The following MCF2L2 variants were observed in gnomAD, a reference collection of about 807,000 sequenced individuals.
MCF2L2 encodes probable guanine nucleotide exchange factor MCF2L2.
A neutral mutation model predicts 150.2 loss-of-function variants in MCF2L2; 102 were observed. That is an observed-to-expected ratio of 0.68 (90% CI 0.58 to 0.80). MCF2L2 has a LOEUF of 0.80. MCF2L2 is among the 30% of genes least tolerant of loss of function. MCF2L2 has a pLI of 0.00. For synonymous variants in MCF2L2, 465 were observed against 491.3 expected (o/e 0.95, Z 0.71); for missense variants, 1,256 against 1,372.8 (o/e 0.91, Z 1.34).
chr3:183,350,573 A>G (rs1365238450), intron 3 of MCF2L2, among the ~76,000 whole-genome samples: 1 of 152,214 alleles, frequency 6.6e-6, no homozygotes, highest in Non-Finnish European at 1.5e-5. Context: ...ATGCTTCGAA[A>G]AATAACTTGC....
intron 3 of MCF2L2, among the ~76,000 whole-genome samples, chr3:183,356,635 C>G (rs1711804030): frequency 6.6e-6 from 1 of 152,148 alleles, no homozygotes; most frequent in African/African-American, 2.4e-5. Flanking sequence ...TCCTCCCATT[C>G]AAGTGCAAGT....
rs374136781 is a variant in MCF2L2, at chr3:183,206,117, G to C, written c.2805+5C>G. ...GGAGACCCATGGGGAAGGCATGAGC[G>C]TTACCTGCAGGATGTATTTCTCAAG... On this transcript the variant is annotated splice_donor_5th_base_variant and intron_variant, in intron 24 of 29. Coordinates refer to ENST00000328913, the MANE Select transcript of MCF2L2 (RefSeq NM_015078.4). The C allele has an allele frequency of 2.8e-5, 45 of 1,613,156 alleles. No individual in the cohort carries two copies. The highest frequency in any genetic ancestry group is 3.7e-5 in the Non-Finnish European group (44 of 1,179,254).
rs1723085050 is a variant in MCF2L2 at position 183,219,929 on chromosome 3, A to G, written c.2302-5T>C. On this transcript the variant is annotated splice_polypyrimidine_tract_variant and splice_region_variant and intron_variant, in intron 20 of 29. Coordinates refer to ENST00000328913, the MANE Select transcript of MCF2L2 (RefSeq NM_015078.4). ...AGACTCGAAATCCAGCAGACCCTGCATTAACCCAAAAGTCTTGTTGAAAAT... is the reference window on the plus strand; with the variant it reads ...AGACTCGAAATCCAGCAGACCCTGCGTTAACCCAAAAGTCTTGTTGAAAAT... 1.9e-6 allele frequency: 3 copies of G among 1,608,702 alleles called. No homozygotes were observed. The highest frequency in any genetic ancestry group is 2.6e-6 in the Non-Finnish European group (3 of 1,176,214).
At chr3:183,342,544 T>C (rs1730742973) in intron 3 of MCF2L2, among the ~76,000 whole-genome samples, 1 of 152,146 alleles carries the variant, frequency 6.6e-6, no homozygotes, top group Non-Finnish European at 1.5e-5. Context: ...TTAACCCCTG[T>C]AGTTTCTCAG....
chr3:183,328,319 G>A (rs1174813583), intron 5 of MCF2L2, among the ~76,000 whole-genome samples: 1 of 152,112 alleles, frequency 6.6e-6, no homozygotes, highest in African/African-American at 2.4e-5. Context: ...AGAACCCAAG[G>A]AGGAGGCTGT....
At chr3:183,304,632 AT>A (rs202057975) in intron 10 of MCF2L2, among the ~76,000 whole-genome samples, 539 of 143,902 alleles carry the variant, frequency 3.7e-3, no homozygotes, top group Non-Finnish European at 4.5e-3. Context: ...TGCCTGGCTA[AT>A]TTTTTTTTTT....
chr3:183,326,492 CAAAAAAAA>C (rs890481068), intron 5 of MCF2L2, among the ~76,000 whole-genome samples: 1 of 39,424 alleles, frequency 2.5e-5, no homozygotes, highest in Admixed American at 3.7e-4. Flanking sequence ...AACTCCGTCT[CAAAAAAAA>C]AAAAAAAAAA....
At chr3:183,242,404 G>A (rs934203797) in intron 15 of MCF2L2, among the ~76,000 whole-genome samples, 1 of 152,220 alleles carries the variant, frequency 6.6e-6, no homozygotes. Flanking sequence ...TGGTTTTGTG[G>A]GCCCAGCCCG....
At chr3:183,242,608 C>G (rs1724078837) in intron 15 of MCF2L2, among the ~76,000 whole-genome samples, 1 of 152,342 alleles carries the variant, frequency 6.6e-6, no homozygotes, top group Non-Finnish European at 1.5e-5. Flanking sequence ...ACAGAAATGC[C>G]TGGATGTCCA....
Position 183,318,069 on chromosome 3 carries a change from T to C in MCF2L2, c.752A>G (p.Gln251Arg). Residue 251 changes from glutamine to arginine, a missense_variant and splice_region_variant, in exon 7 of 30, where the codon CAG becomes CGG. Physicochemically the swap from Gln to Arg is conservative, Grantham distance 43 (BLOSUM62 1). Transcript: ENST00000328913. ...MSHTRQRDKLQDELKLLGKQG... is the reference protein window; with the variant it reads ...MSHTRQRDKLRDELKLLGKQG... Reference sequence around the variant, plus strand: ...TCTGAGAGGTCACTGACCGCTCACCTGCAGCTTGTCCCGCTGCCTTGTGTG... The same window carrying C: ...TCTGAGAGGTCACTGACCGCTCACCCGCAGCTTGTCCCGCTGCCTTGTGTG... The C allele has an allele frequency of 6.2e-7, 1 of 1,613,604 alleles. No homozygotes were observed. The highest frequency in any genetic ancestry group is 8.5e-7 in the Non-Finnish European group (1 of 1,179,788).
At chr3:183,269,229 G>GTTTTTTTTTTTTTTTTTTTTTTTTT (rs1305607255) in intron 15 of MCF2L2, among the ~76,000 whole-genome samples, 2 of 77,022 alleles carry the variant, frequency 2.6e-5, no homozygotes, top group African/African-American at 2.3e-4. Flanking sequence ...CGTTTGGGAA[G>GTTTTTTTTTTTTTTTTTTTTTTTTT]CTTTTTTTTT....
At chr3:183,375,219 C>T (rs886631003) in intron 3 of MCF2L2, 1 of 152,150 alleles carries the variant, frequency 6.6e-6, no homozygotes, top group African/African-American at 2.4e-5. Context: ...GACAAGATCC[C>T]TATATAAGAA....
At chr3:183,385,898 T>G (rs1713800516) in intron 2 of MCF2L2, among the ~76,000 whole-genome samples, 1 of 152,216 alleles carries the variant, frequency 6.6e-6, no homozygotes, top group Non-Finnish European at 1.5e-5. Context: ...AGCATTTTCC[T>G]TCTCCTTCTT....
chr3:183,280,946 T>TA (rs543577977), intron 14 of MCF2L2, among the ~76,000 whole-genome samples: 4 of 151,886 alleles, frequency 2.6e-5, no homozygotes, highest in Non-Finnish European at 4.4e-5. Context: ...TCAATTTTCT[T>TA]AAAAACAGGA....
intron 15 of MCF2L2, among the ~76,000 whole-genome samples, chr3:183,274,278 G>C (rs1727025712): frequency 6.6e-6 from 1 of 151,778 alleles, no homozygotes; most frequent in Non-Finnish European, 1.5e-5. Context: ...ACTATAATCT[G>C]TTGAGAGAGG....
intron 15 of MCF2L2, chr3:183,272,449 C>A: frequency 1.0e-6 from 1 of 1,000,108 alleles, no homozygotes; most frequent in Non-Finnish European, 1.2e-6. Context: ...AAAAAGATTT[C>A]TCAGTATACA....
chr3:183,297,008 CGTT>C lies in MCF2L2; in HGVS notation c.1462_1464del (p.Asn488del), dbSNP rs1347320849. On this transcript the variant is annotated inframe_deletion, in exon 12 of 30. Transcript: ENST00000328913. ...TCGAGGGTGAGCAGCAACTCAAACT[CGTT>C]GTAAAACTCCTTGGGGCTGAGCAAC... The C allele has an allele frequency of 1.9e-6, 3 of 1,613,932 alleles. No homozygotes were observed. Among genetic ancestry groups the C allele is most frequent in the Non-Finnish European group, 2.5e-6 (3 of 1,179,944 alleles).
chr3:183,348,829 A>C (rs1042050122), intron 3 of MCF2L2, among the ~76,000 whole-genome samples: 11 of 152,202 alleles, frequency 7.2e-5, no homozygotes, highest in African/African-American at 2.4e-4. Context: ...AAGAATCCTA[A>C]ATGTCTAAGC....
At position 183,383,465 on chromosome 3, in the gene MCF2L2, C is replaced by T. The variant is rs148976040; in HGVS notation, c.161-4054G>A. On this transcript the variant is annotated intron_variant, in intron 2 of 29. Transcript: ENST00000328913. Reference sequence around the variant, plus strand: ...GTCAGGCTGGTCTCTTAACTCCCGACCTCAGGTGATCCGCCCACCTCGGCC... The same window carrying T: ...GTCAGGCTGGTCTCTTAACTCCCGATCTCAGGTGATCCGCCCACCTCGGCC... Among the ~76,000 whole-genome samples, 671 of 152,204 alleles carry T rather than the reference C, an allele frequency of 4.4e-3. 4 individuals carry two copies. The highest frequency in any genetic ancestry group is 0.015 in the African/African-American group (641 of 41,542).
Sources: allele counts gnomAD v4.1 joint callset (sites outside exome capture counted in the v4.1 genomes callset), GRCh38; gene constraint gnomAD v4.1.1; transcripts MANE v1.5; gene names NCBI Gene and HGNC (gene_info 2026-07-23, HGNC 2026-07-21).